P2RY8: variants seen among roughly 807,000 people sequenced by gnomAD.
P2RY8 encodes P2Y receptor family member 8, also known as S-geranylgeranyl-glutathione receptor P2RY8.
Under a neutral mutation model 10.0 loss-of-function variants are expected in P2RY8, and 6 were observed. The ratio of observed to expected loss-of-function variants is 0.60; its 90% confidence interval spans 0.33 to 1.19. P2RY8 has a LOEUF of 1.19. Among genes scored for constraint, P2RY8 ranks in the 50% most tolerant of loss-of-function variants. The probability of loss-of-function intolerance (pLI) is 0.04; values close to 1 mark genes in which losing one functional copy is unlikely to be tolerated. For synonymous variants in P2RY8, 276 were observed against 252.5 expected (o/e 1.09, Z -0.88); for missense variants, 456 against 542.0 (o/e 0.84, Z 1.58).
intron 1 of P2RY8, among the ~76,000 whole-genome samples, chrX:1,512,402 C>T (rs1329052795): frequency 4.0e-5 from 6 of 151,896 alleles, no homozygotes. Context: ...CAAAAATTAG[C>T]CAGGCGTGGT....
rs1489755458 is a variant in P2RY8 at position 1,465,558 on chromosome X, C to T, written c.1001G>A (p.Arg334His). Residue 334 changes from arginine to histidine, a missense_variant, in exon 2 of 2, where the codon CGC (arginine) becomes CAC (histidine). By Grantham distance (29) the Arg-to-His change is conservative. Coordinates refer to ENST00000381297, the MANE Select transcript of P2RY8 (RefSeq NM_178129.5). ...SLFSARTTSV[R>H]SEAGAHPEGM... ...TTCAGGGTGCGCACCGGCCTCGGAG[C>T]GCACGGACGTGGTCCTGGCGGAGAA... The T allele has an allele frequency of 3.7e-6, 6 of 1,612,464 alleles. No homozygotes were observed. Among genetic ancestry groups the T allele is most frequent in the East Asian group, 2.2e-5 (1 of 44,870 alleles).
In P2RY8 at chrX:1,463,635, G is replaced by A. The variant is rs759366854; in HGVS notation, c.*1844C>T. ...AATCTATAATAATTTCAGGTTCTGG[G>A]CTTTAAAACAAGACATGTCTTTCTG... On this transcript the variant is annotated 3_prime_UTR_variant, in exon 2 of 2. Transcript: ENST00000381297. The A allele has an allele frequency of 1.7e-5, 4 of 232,344 alleles. No individual in the cohort carries two copies. Among genetic ancestry groups the A allele is most frequent in the Non-Finnish European group, 1.7e-5 (2 of 117,558 alleles). 14.4% of individuals were successfully genotyped at this position (232,344 alleles called of 1,614,324 possible).
intron 1 of P2RY8, among the ~76,000 whole-genome samples, chrX:1,523,070 C>A (rs1279871494): frequency 7.8e-6 from 1 of 127,588 alleles, no homozygotes; most frequent in Non-Finnish European, 1.6e-5. Flanking sequence ...CTCCATCCCC[C>A]ACTGCCAAAA....
rs142390907 is a variant in P2RY8, at chrX:1,466,058, C to T, written c.501G>A (p.Val167=). Reference sequence around the variant, plus strand: ...AGCAGGTGATGATGCCCAGGGCGTGCACCGGGTAGGTGAGATCGGTGCGCG... The same window carrying T: ...AGCAGGTGATGATGCCCAGGGCGTGTACCGGGTAGGTGAGATCGGTGCGCG... ...PLARTDLTYP[V]HALGIITCFD... The change falls in exon 2 of 2, where the codon GTG becomes GTA. Residue 167 remains valine, a synonymous_variant. Transcript: ENST00000381297. The T allele has an allele frequency of 1.2e-6, 2 of 1,611,778 alleles. No homozygotes were observed. The highest frequency in any genetic ancestry group is 1.1e-5 in the South Asian group (1 of 91,004).
chrX:1,514,047 G>A (rs1213077031), intron 1 of P2RY8, among the ~76,000 whole-genome samples: 1 of 152,170 alleles, frequency 6.6e-6, no homozygotes, highest in Admixed American at 6.5e-5. Flanking sequence ...TTGCAGGTAC[G>A]CACCATTGAA....
chrX:1,527,083 C>T (rs764511198), intron 1 of P2RY8, among the ~76,000 whole-genome samples: 90 of 152,098 alleles, frequency 5.9e-4, no homozygotes, highest in African/African-American at 2.0e-3. Flanking sequence ...TTAGTAGAGA[C>T]GGGGTTTCAC....
chrX:1,489,093 C>T (rs6645233), intron 1 of P2RY8, among the ~76,000 whole-genome samples: 43,228 of 151,600 alleles, frequency 0.29, 6,386 homozygotes, highest in Middle Eastern at 0.43. Flanking sequence ...GAATGAATGA[C>T]ACCCAAGATT....
intron 1 of P2RY8, among the ~76,000 whole-genome samples, chrX:1,467,752 C>T (rs757503284): frequency 6.6e-6 from 1 of 152,374 alleles, no homozygotes; most frequent in East Asian, 1.9e-4. Flanking sequence ...ACGTAACTCA[C>T]TGCAGCCTCC....
At chrX:1,511,716 T>A (rs2092298811) in intron 1 of P2RY8, among the ~76,000 whole-genome samples, 1 of 152,052 alleles carries the variant, frequency 6.6e-6, no homozygotes. Context: ...CACCTTCCAT[T>A]CTCTTGACGG....
In P2RY8 at chrX:1,465,826, C is replaced by T. The variant is rs2091662577; in HGVS notation, c.733G>A (p.Ala245Thr). 1 of 1,613,040 alleles carries T rather than the reference C, an allele frequency of 6.2e-7. No individual in the cohort carries two copies. Among genetic ancestry groups the T allele is most frequent in the African/African-American group, 1.3e-5 (1 of 74,924 alleles). ...AVGLAAVVLL[A>T]FVTCFAPNNF... ...TTGGGGGCGAAGCAGGTGACAAAGG[C>T]CAGCAAGACCACCGCGGCCAGGCCC... Residue 245 changes from alanine to threonine, a missense_variant, in exon 2 of 2, where the codon GCC (alanine) becomes ACC (threonine). Transcript: ENST00000381297.
At chrX:1,515,813 T>G (rs1187302392) in intron 1 of P2RY8, among the ~76,000 whole-genome samples, 1 of 151,522 alleles carries the variant, frequency 6.6e-6, no homozygotes, top group Non-Finnish European at 1.5e-5. Flanking sequence ...GTGAGAGCTC[T>G]GGGGGAGATT....
chrX:1,523,118 T>TAAAA (rs1556685629), intron 1 of P2RY8, among the ~76,000 whole-genome samples: 11 of 150,066 alleles, frequency 7.3e-5, no homozygotes, highest in South Asian at 4.2e-4. Flanking sequence ...AATAAATAAA[T>TAAAA]AAAACAAAAA....
At chrX:1,491,641 A>AAACG (rs2092051363) in intron 1 of P2RY8, among the ~76,000 whole-genome samples, 1 of 152,128 alleles carries the variant, frequency 6.6e-6, no homozygotes, top group African/African-American at 2.4e-5. Context: ...GCAAATGAGT[A>AAACG]AATGAATGAA....
At chrX:1,520,556 A>G (rs1486827674) in intron 1 of P2RY8, among the ~76,000 whole-genome samples, 3 of 150,206 alleles carry the variant, frequency 2.0e-5, no homozygotes, top group African/African-American at 7.4e-5. Flanking sequence ...CTGATCCCCA[A>G]TATTATCTCC....
At chrX:1,513,336 C>T (rs767376188) in intron 1 of P2RY8, among the ~76,000 whole-genome samples, 22 of 152,066 alleles carry the variant, frequency 1.4e-4, no homozygotes, top group African/African-American at 5.1e-4. Context: ...AACATAGACC[C>T]GTGAAGATTA....
chrX:1,498,760 G>A (rs1256749292), intron 1 of P2RY8, among the ~76,000 whole-genome samples: 1 of 151,650 alleles, frequency 6.6e-6, no homozygotes, highest in African/African-American at 2.4e-5. Flanking sequence ...TCCTGGTCTC[G>A]AACTCCTGAT....
intron 1 of P2RY8, among the ~76,000 whole-genome samples, chrX:1,506,237 C>A (rs769639684): frequency 6.6e-6 from 1 of 152,220 alleles, no homozygotes; most frequent in African/African-American, 2.4e-5. Context: ...AGACGACCCG[C>A]CTGCCTGAGC....
chrX:1,467,412 C>T (rs1240062997), intron 1 of P2RY8, among the ~76,000 whole-genome samples: 2 of 152,292 alleles, frequency 1.3e-5, no homozygotes, highest in South Asian at 2.1e-4. Context: ...CGGTCCGTGC[C>T]CAGGTGTGAA....
At chrX:1,505,764 T>C (rs1405238880) in intron 1 of P2RY8, among the ~76,000 whole-genome samples, 2 of 152,050 alleles carry the variant, frequency 1.3e-5, no homozygotes, top group African/African-American at 4.8e-5. Flanking sequence ...CACTCCAGCT[T>C]GGGCGACAGA....
Sources: gnomAD v4.1 joint callset for allele counts (sites outside exome capture counted in the v4.1 genomes callset) on GRCh38, gnomAD v4.1.1 for gene constraint, MANE v1.5 for transcripts, NCBI Gene and HGNC (gene_info 2026-07-23, HGNC 2026-07-21) for gene names.